CNTN3: variants seen among roughly 807,000 people sequenced by gnomAD.
CNTN3 encodes the protein contactin 3.
CNTN3 carries 60 observed loss-of-function variants against 119.1 expected under a neutral mutation model. The observed-to-expected ratio is 0.50, with a 90% confidence interval of 0.41 to 0.62. The LOEUF (loss-of-function observed/expected upper bound fraction) is 0.62. Ranked by LOEUF, CNTN3 falls within the 20% of genes least tolerant of loss-of-function variation. The pLI, the probability that CNTN3 is intolerant of heterozygous loss-of-function variation, is 0.00. For missense variants in CNTN3, 1,101 were observed against 1,242.4 expected, an observed-to-expected ratio of 0.89 and a Z score of 1.71; for synonymous variants, 450 against 438.7, an observed-to-expected ratio of 1.03 and a Z score of -0.32.
chr3:74,310,927 G>A (rs1702670904), intron 13 of CNTN3, among the ~76,000 whole-genome samples: 1 of 152,128 alleles, frequency 6.6e-6, no homozygotes, highest in African/African-American at 2.4e-5. Context: ...AAAGAGAAAG[G>A]TTCCCTTATA....
At chr3:74,588,797 C>A (rs1009638428) in intron 1 of CNTN3, among the ~76,000 whole-genome samples, 2 of 152,022 alleles carry the variant, frequency 1.3e-5, no homozygotes, top group Admixed American at 6.5e-5. Flanking sequence ...TCAGAAATAA[C>A]GCCGCATGTC....
At position 74,406,847 on chromosome 3, in the gene CNTN3, G is replaced by C. The variant is rs76117967; in HGVS notation, c.454+17998C>G. Among the ~76,000 whole-genome samples the C allele has an allele frequency of 5.8e-3, 883 of 152,170 alleles. 3 individuals are homozygous for C. Among genetic ancestry groups the C allele is most frequent in the Non-Finnish European group, 0.01 (705 of 67,982 alleles). On this transcript the variant is annotated intron_variant, in intron 5 of 22. Coordinates refer to ENST00000263665, the MANE Select transcript of CNTN3 (RefSeq NM_020872.3). ...CATTGCTAGTAATTATTTTGTTTCT[G>C]CTAGAGGAAGAAACCAATAATAAAA... is the stretch of plus-strand genomic sequence containing the variant.
chr3:74,495,866 C>T (rs1466766006), intron 3 of CNTN3, among the ~76,000 whole-genome samples: 1 of 151,992 alleles, frequency 6.6e-6, no homozygotes, highest in African/African-American at 2.4e-5. Context: ...AATTGTTTAC[C>T]TGTTCCTATA....
chr3:74,380,582 A>T (rs1704590285), intron 5 of CNTN3, among the ~76,000 whole-genome samples: 1 of 152,230 alleles, frequency 6.6e-6, no homozygotes, highest in South Asian at 2.1e-4. Context: ...TGCAAAATGG[A>T]AATTTTCTTT....
intron 1 of CNTN3, among the ~76,000 whole-genome samples, chr3:74,614,045 T>TCCTCAG (rs1381003276): frequency 6.6e-6 from 1 of 152,106 alleles, no homozygotes; most frequent in Non-Finnish European, 1.5e-5. Context: ...CTGGAATTGT[T>TCCTCAG]CCTCAGCATC....
intron 1 of CNTN3, among the ~76,000 whole-genome samples, chr3:74,575,361 C>T (rs1007817910): frequency 6.6e-6 from 1 of 152,004 alleles, no homozygotes; most frequent in Non-Finnish European, 1.5e-5. Flanking sequence ...AAGCGATTCT[C>T]CTGCCTCAGC....
In CNTN3 at chr3:74,298,853, C is replaced by T. The variant is rs75763259; in HGVS notation, c.2167-662G>A. On this transcript the variant is annotated intron_variant, in intron 17 of 22. Transcript: ENST00000263665. ...TGGAGATTGCAATGAGCCGATATCA[C>T]GCCACTCCTGGGTGACAGAGAGAGA... Among the ~76,000 whole-genome samples the T allele has an allele frequency of 9.9e-3, 1,449 of 145,944 alleles. 30 individuals are homozygous for T. Among genetic ancestry groups the T allele is most frequent in the African/African-American group, 0.035 (1,371 of 39,232 alleles).
At chr3:74,434,290 T>C (rs1701831466) in intron 4 of CNTN3, among the ~76,000 whole-genome samples, 1 of 152,250 alleles carries the variant, frequency 6.6e-6, no homozygotes. Flanking sequence ...CCCAGATCTG[T>C]AAGCCTTTTG....
chr3:74,595,120 C>T (rs1704780174), intron 1 of CNTN3, among the ~76,000 whole-genome samples: 1 of 151,868 alleles, frequency 6.6e-6, no homozygotes, highest in Non-Finnish European at 1.5e-5. Context: ...TGTTCATATA[C>T]TTTGCCCACT....
intron 1 of CNTN3, among the ~76,000 whole-genome samples, chr3:74,601,751 GT>G: frequency 6.6e-6 from 1 of 152,178 alleles, no homozygotes; most frequent in East Asian, 1.9e-4. Context: ...GTTTGGCCAT[GT>G]TTTTTTGTTA....
In CNTN3 at chr3:74,599,092, T is replaced by C. The variant is rs73116701; in HGVS notation, c.-81+15299A>G. On this transcript the variant is annotated intron_variant, in intron 1 of 22. Transcript: ENST00000263665. ...CACATAATTAATCCACATTGAGTGA[T>C]GCTAAAAATCTGAACTACATAAATG... is the stretch of plus-strand genomic sequence containing the variant. 1.8e-3 allele frequency among the ~76,000 whole-genome samples: 275 copies of C among 152,206 alleles called. 2 individuals carry two copies. Among genetic ancestry groups the C allele is most frequent in the Non-Finnish European group, 3.4e-3 (232 of 67,988 alleles).
chr3:74,425,041 T>C, intron 4 of CNTN3, 101 bp from the exon 5 acceptor site: 3 of 774,822 alleles, frequency 3.9e-6, no homozygotes, highest in Non-Finnish European at 6.1e-6. Context: ...TTTTAGTTTT[T>C]GCTTTTTTCT....
chr3:74,350,978 C>G (rs941164644), intron 11 of CNTN3, among the ~76,000 whole-genome samples: 1 of 152,190 alleles, frequency 6.6e-6, no homozygotes, highest in Admixed American at 6.5e-5. Context: ...TCATAGGGTA[C>G]CATGTTCACT....
intron 3 of CNTN3, among the ~76,000 whole-genome samples, chr3:74,489,761 G>A (rs1442819587): frequency 1.3e-5 from 2 of 151,960 alleles, no homozygotes; most frequent in Non-Finnish European, 2.9e-5. Context: ...CATGACCATG[G>A]AAAATTACCT....
intron 1 of CNTN3, among the ~76,000 whole-genome samples, chr3:74,568,572 A>G (rs1289410085): frequency 2.9e-4 from 44 of 152,204 alleles, no homozygotes; most frequent in Non-Finnish European, 2.9e-5. Context: ...AGATGCTCAG[A>G]GTAACACGGA....
intron 5 of CNTN3, among the ~76,000 whole-genome samples, chr3:74,408,119 T>A (rs764445321): frequency 6.6e-6 from 1 of 152,156 alleles, no homozygotes; most frequent in Non-Finnish European, 1.5e-5. Flanking sequence ...ATCAACAACA[T>A]TGGAATAAAT....
chr3:74,592,687 A>G (rs1704724800), intron 1 of CNTN3, among the ~76,000 whole-genome samples: 1 of 151,994 alleles, frequency 6.6e-6, no homozygotes, highest in African/African-American at 2.4e-5. Flanking sequence ...CCTTCACAGT[A>G]AATGTGGGTC....
At chr3:74,460,836 T>TC (rs1401555697) in intron 4 of CNTN3, among the ~76,000 whole-genome samples, 1 of 139,232 alleles carries the variant, frequency 7.2e-6, no homozygotes, top group African/African-American at 2.8e-5. Flanking sequence ...ATTTCTTTCT[T>TC]TTTTTTTTGC....
intron 5 of CNTN3, among the ~76,000 whole-genome samples, chr3:74,373,067 T>A (rs550045821): frequency 3.4e-4 from 52 of 152,332 alleles, no homozygotes; most frequent in African/African-American, 1.3e-3. Context: ...AATCATGCTG[T>A]CATATTGGTA....
Sources: gnomAD v4.1 joint callset for allele counts (sites outside exome capture counted in the v4.1 genomes callset) on GRCh38, gnomAD v4.1.1 for gene constraint, MANE v1.5 for transcripts, NCBI Gene and HGNC (gene_info 2026-07-23, HGNC 2026-07-21) for gene names.